KCNAB1: variants seen among roughly 807,000 people sequenced by gnomAD.
KCNAB1 encodes potassium voltage-gated channel subfamily A regulatory beta subunit 1.
In KCNAB1, 35 loss-of-function variants were observed where a neutral mutation model predicts 64.6. The ratio of observed to expected loss-of-function variants is 0.54; its 90% confidence interval spans 0.41 to 0.72. KCNAB1 has a LOEUF of 0.72. KCNAB1 is among the 30% of genes least tolerant of loss of function. KCNAB1 has a pLI of 0.00. For synonymous variants in KCNAB1, 177 were observed against 183.8 expected, an observed-to-expected ratio of 0.96 and a Z score of 0.30; for missense variants, 401 against 512.9, an observed-to-expected ratio of 0.78 and a Z score of 2.11.
intron 1 of KCNAB1, among the ~76,000 whole-genome samples, chr3:156,347,893 C>T (rs568830605): frequency 1.2e-4 from 18 of 152,184 alleles, no homozygotes; most frequent in East Asian, 3.9e-4. Context: ...AAACCAGAAA[C>T]GGGGATTAGT....
chr3:156,405,496 T>C (rs966999765), intron 1 of KCNAB1, among the ~76,000 whole-genome samples: 1 of 152,222 alleles, frequency 6.6e-6, no homozygotes, highest in African/African-American at 2.4e-5. Context: ...ACAGTAACTT[T>C]CTTTTTCTCA....
At chr3:156,319,880 G>T (rs983698208) in intron 1 of KCNAB1, among the ~76,000 whole-genome samples, 3 of 152,122 alleles carry the variant, frequency 2.0e-5, no homozygotes, top group Non-Finnish European at 2.9e-5. Context: ...TAGCTTAATT[G>T]TAAGTACCAT....
chr3:156,422,831 C>T (rs936112678), intron 2 of KCNAB1, among the ~76,000 whole-genome samples: 1 of 151,820 alleles, frequency 6.6e-6, no homozygotes, highest in Non-Finnish European at 1.5e-5. Context: ...ATTAAGAAAT[C>T]GAGAAAGTGA....
At chr3:156,198,913 AT>A (rs71138701) in intron 1 of KCNAB1, among the ~76,000 whole-genome samples, 66 of 21,282 alleles carry the variant, frequency 3.1e-3, no homozygotes, top group African/African-American at 9.4e-3. Flanking sequence ...TTATATTTTG[AT>A]TTTTTTTTTT....
intron 1 of KCNAB1, among the ~76,000 whole-genome samples, chr3:156,153,432 T>C (rs996561945): frequency 1.3e-5 from 2 of 152,256 alleles, no homozygotes; most frequent in Non-Finnish European, 1.5e-5. Flanking sequence ...GCTCATTTAC[T>C]TCAATCATTC....
intron 7 of KCNAB1, among the ~76,000 whole-genome samples, chr3:156,472,682 C>T (rs927734294): frequency 1.3e-5 from 2 of 152,146 alleles, no homozygotes; most frequent in African/African-American, 4.8e-5. Context: ...TGAGGCTGAC[C>T]TTAGGATCAA....
intron 11 of KCNAB1, 152 bp from the exon 12 acceptor site, chr3:156,523,675 T>G (rs1718104716): frequency 1.4e-6 from 1 of 708,704 alleles, no homozygotes; most frequent in Admixed American, 2.4e-5. Context: ...TGAGGAACAT[T>G]TCTTTGCATG....
chr3:156,151,237 C>T (rs1431833191), intron 1 of KCNAB1, among the ~76,000 whole-genome samples: 1 of 152,200 alleles, frequency 6.6e-6, no homozygotes, highest in Admixed American at 6.5e-5. Flanking sequence ...TCTGTACCCA[C>T]TGTTTGTTTT....
chr3:156,371,075 T>C (rs576790340), intron 1 of KCNAB1, among the ~76,000 whole-genome samples: 14 of 152,322 alleles, frequency 9.2e-5, no homozygotes, highest in African/African-American at 3.1e-4. Flanking sequence ...AATCTCAGCA[T>C]TGGCCACTTC....
chr3:156,315,260 A>G (rs768108373), intron 1 of KCNAB1, among the ~76,000 whole-genome samples: 2 of 152,122 alleles, frequency 1.3e-5, no homozygotes, highest in Non-Finnish European at 2.9e-5. Context: ...GCCAATGGAA[A>G]AGGAGGCCAT....
At position 156,219,187 on chromosome 3, in the gene KCNAB1, C is replaced by T. The variant is rs569399066; in HGVS notation, c.275+98301C>T. Among the ~76,000 whole-genome samples the T allele has an allele frequency of 2.0e-5, 3 of 151,420 alleles. No individual in the cohort carries two copies. In the South Asian group the frequency reaches 6.3e-4, roughly 32 times the overall value. On this transcript the variant is annotated intron_variant, in intron 1 of 13. Coordinates refer to ENST00000490337, the MANE Select transcript of KCNAB1 (RefSeq NM_172160.3). ...GGAGGCATCAGACAAAGGTGAAGTC[C>T]AACTTAAAAAAAATCAAAAACATGA...
At chr3:156,369,181 A>G (rs1421286212) in intron 1 of KCNAB1, among the ~76,000 whole-genome samples, 2 of 152,210 alleles carry the variant, frequency 1.3e-5, no homozygotes, top group African/African-American at 4.8e-5. Flanking sequence ...TGTGCTTAAA[A>G]TTCACAGAAG....
At chr3:156,439,046 G>A (rs2108256957) in intron 2 of KCNAB1, among the ~76,000 whole-genome samples, 1 of 146,420 alleles carries the variant, frequency 6.8e-6, no homozygotes, top group South Asian at 2.2e-4. Context: ...AAAAAACCAG[G>A]ATAGACTATG....
rs1458121198 is a variant in KCNAB1 at position 156,120,607 on chromosome 3, C to A, written c.-5C>A. On this transcript the variant is annotated 5_prime_UTR_variant, in exon 1 of 14. Coordinates refer to ENST00000490337, the MANE Select transcript of KCNAB1 (RefSeq NM_172160.3). ...ACTTCCAGTCTTCTCTGAAAGATCT[C>A]CACGATGCTGGCAGCCCGGACAGGG... is the stretch of plus-strand genomic sequence containing the variant. 2 of 1,613,762 alleles carry A rather than the reference C, an allele frequency of 1.2e-6. No homozygotes were observed. The highest frequency in any genetic ancestry group is 2.2e-5 in the South Asian group (2 of 91,042).
At chr3:156,218,801 A>AAATAAT (rs1553822950) in intron 1 of KCNAB1, among the ~76,000 whole-genome samples, 1,338 of 112,072 alleles carry the variant, frequency 0.012, 29 homozygotes, top group South Asian at 0.025. Flanking sequence ...AAAAAAAAAA[A>AAATAAT]AATAATAATA....
intron 1 of KCNAB1, among the ~76,000 whole-genome samples, chr3:156,399,599 C>A (rs140395271): frequency 6.6e-6 from 1 of 152,108 alleles, no homozygotes; most frequent in African/African-American, 2.4e-5. Context: ...CTTGACAACA[C>A]GGCCTATGAG....
At chr3:156,398,525 G>A (rs1339515642) in intron 1 of KCNAB1, among the ~76,000 whole-genome samples, 8 of 150,456 alleles carry the variant, frequency 5.3e-5, no homozygotes, top group Admixed American at 2.0e-4. Context: ...CCCGGGGGGC[G>A]GAGCCTGCAG....
At chr3:156,440,702 A>G (rs895591974) in intron 2 of KCNAB1, among the ~76,000 whole-genome samples, 3 of 152,246 alleles carry the variant, frequency 2.0e-5, no homozygotes, top group Non-Finnish European at 4.4e-5. Context: ...ATGCAAAAAT[A>G]TCCTGTCCAC....
intron 1 of KCNAB1, among the ~76,000 whole-genome samples, chr3:156,126,819 G>A (rs955247491): frequency 1.3e-4 from 20 of 151,040 alleles, no homozygotes; most frequent in African/African-American, 4.4e-4. Context: ...GGGTTGTTAC[G>A]GGAGCTCAAG....
Sources: allele counts gnomAD v4.1 joint callset (sites outside exome capture counted in the v4.1 genomes callset), GRCh38; gene constraint gnomAD v4.1.1; transcripts MANE v1.5; gene names NCBI Gene and HGNC (gene_info 2026-07-23, HGNC 2026-07-21).